The following HS6ST3 variants were observed in gnomAD, a reference collection of about 807,000 sequenced individuals.
The protein encoded by HS6ST3 is heparan sulfate 6-O-sulfotransferase 3.
HS6ST3 carries 12 observed loss-of-function variants against 36.7 expected under a neutral mutation model. The observed-to-expected ratio is 0.33, with a 90% CI of 0.21 to 0.53. The LOEUF is 0.53. Among genes scored for constraint, HS6ST3 ranks in the 20% least tolerant of loss-of-function variants. The pLI, the probability that HS6ST3 is intolerant of heterozygous loss-of-function variation, is 0.95. For synonymous variants in HS6ST3, 240 were observed against 257.5 expected, an observed-to-expected ratio of 0.93 and a Z score of 0.65; for missense variants, 584 against 640.9, an observed-to-expected ratio of 0.91 and a Z score of 0.96.
At chr13:96,599,773 A>C (rs892929163) in intron 1 of HS6ST3, among the ~76,000 whole-genome samples, 8 of 152,110 alleles carry the variant, frequency 5.3e-5, no homozygotes, top group Non-Finnish European at 1.2e-4. Flanking sequence ...CATTAGCATT[A>C]TAAACTTTCC....
chr13:96,627,485 A>G (rs1244686432), intron 1 of HS6ST3, among the ~76,000 whole-genome samples: 1 of 151,880 alleles, frequency 6.6e-6, no homozygotes, highest in Non-Finnish European at 1.5e-5. Context: ...CTATTATTTT[A>G]TTATCTCATA....
chr13:96,450,884 A>G (rs945703747), intron 1 of HS6ST3, among the ~76,000 whole-genome samples: 1 of 152,152 alleles, frequency 6.6e-6, no homozygotes, highest in Admixed American at 6.5e-5. Context: ...CTGGTGTTAG[A>G]CAAACACTTG....
Position 96,838,740 on chromosome 13 carries a change from G to A in HS6ST3, c.*5542G>A, listed in dbSNP as rs932614551. ...CCTTCTGAGCAAGTGGGCAGGTTCT[G>A]AAACCTGTGTGTTTTGTAGCCTAAT... On this transcript the variant is annotated 3_prime_UTR_variant, in exon 2 of 2. Coordinates refer to ENST00000376705, the MANE Select transcript of HS6ST3 (RefSeq NM_153456.4). 34 of 152,108 alleles carry A rather than the reference G, an allele frequency of 2.2e-4. No individual in the cohort carries two copies. Among genetic ancestry groups the A allele is most frequent in the African/African-American group, 7.7e-4 (32 of 41,442 alleles). The allele number at this position is 152,108 out of a possible 1,614,324, so 9.4% of individuals were successfully genotyped here.
At chr13:96,664,445 A>G (rs1381757859) in intron 1 of HS6ST3, among the ~76,000 whole-genome samples, 1 of 152,148 alleles carries the variant, frequency 6.6e-6, no homozygotes, top group East Asian at 1.9e-4. Context: ...AGAAAATACT[A>G]TCCAAGCCAA....
At chr13:96,381,243 G>C (rs929355064) in intron 1 of HS6ST3, among the ~76,000 whole-genome samples, 1 of 152,056 alleles carries the variant, frequency 6.6e-6, no homozygotes, top group African/African-American at 2.4e-5. Context: ...ACTAAAATCA[G>C]TAACATTTAT....
At chr13:96,537,161 G>A (rs2056158841) in intron 1 of HS6ST3, among the ~76,000 whole-genome samples, 1 of 152,180 alleles carries the variant, frequency 6.6e-6, no homozygotes, top group Non-Finnish European at 1.5e-5. Context: ...TCATAATCAT[G>A]GTGGATGGCG....
intron 1 of HS6ST3, among the ~76,000 whole-genome samples, chr13:96,435,462 G>T (rs2055636816): frequency 6.6e-6 from 1 of 152,028 alleles, no homozygotes; most frequent in Non-Finnish European, 1.5e-5. Flanking sequence ...TCCTTTGTGA[G>T]GCCTTTCCAG....
At chr13:96,491,852 C>A (rs1204616168) in intron 1 of HS6ST3, among the ~76,000 whole-genome samples, 2 of 152,052 alleles carry the variant, frequency 1.3e-5, no homozygotes, top group Non-Finnish European at 2.9e-5. Flanking sequence ...AGATGTGCCT[C>A]GAAGATCTCC....
intron 1 of HS6ST3, among the ~76,000 whole-genome samples, chr13:96,098,469 A>T (rs768338077): frequency 2.6e-5 from 4 of 152,166 alleles, no homozygotes; most frequent in Non-Finnish European, 5.9e-5. Flanking sequence ...CAAATTTATC[A>T]GCCACTGAAA....
intron 1 of HS6ST3, among the ~76,000 whole-genome samples, chr13:96,095,863 GGTGTGTGTGT>G (rs141939376): frequency 6.1e-4 from 86 of 140,354 alleles, no homozygotes; most frequent in South Asian, 2.2e-3. Context: ...TTATATGACT[GGTGTGTGTGT>G]GTGTGTGTGT....
intron 1 of HS6ST3, among the ~76,000 whole-genome samples, chr13:96,489,051 G>A (rs1236013713): frequency 6.6e-6 from 1 of 151,918 alleles, no homozygotes; most frequent in Non-Finnish European, 1.5e-5. Context: ...AGAAATATTT[G>A]TGAGAAAAAA....
intron 1 of HS6ST3, among the ~76,000 whole-genome samples, chr13:96,183,256 AGAG>A (rs2054247921): frequency 6.6e-6 from 1 of 152,130 alleles, no homozygotes; most frequent in South Asian, 2.1e-4. Context: ...CTGTTATCTA[AGAG>A]GTATACCTTC....
intron 1 of HS6ST3, among the ~76,000 whole-genome samples, chr13:96,114,804 C>G (rs1042006439): frequency 2.6e-5 from 4 of 152,146 alleles, no homozygotes; most frequent in African/African-American, 9.7e-5. Context: ...GCCCCCAGGC[C>G]TAGTAAATAG....
chr13:96,728,312 T>A (rs1400020139), intron 1 of HS6ST3, among the ~76,000 whole-genome samples: 3 of 152,164 alleles, frequency 2.0e-5, no homozygotes, highest in Admixed American at 1.3e-4. Context: ...TTATATTCAT[T>A]CACCTAACTT....
intron 1 of HS6ST3, among the ~76,000 whole-genome samples, chr13:96,106,430 G>A (rs1644015106): frequency 6.6e-6 from 1 of 152,144 alleles, no homozygotes; most frequent in South Asian, 2.1e-4. Context: ...AGCCTACTTG[G>A]CAAGAAGTTG....
chr13:96,571,002 T>C (rs574329080), intron 1 of HS6ST3, among the ~76,000 whole-genome samples: 3 of 152,250 alleles, frequency 2.0e-5, no homozygotes, highest in Non-Finnish European at 4.4e-5. Context: ...AGATTATTCA[T>C]AGTGGTAATC....
chr13:96,173,389 A>G (rs1157057910), intron 1 of HS6ST3, among the ~76,000 whole-genome samples: 2 of 152,180 alleles, frequency 1.3e-5, no homozygotes, highest in East Asian at 3.8e-4. Flanking sequence ...GGATAAAATT[A>G]TTAACATATT....
At chr13:96,791,952 T>A (rs1218502322) in intron 1 of HS6ST3, among the ~76,000 whole-genome samples, 3 of 152,048 alleles carry the variant, frequency 2.0e-5, no homozygotes, top group African/African-American at 7.2e-5. Flanking sequence ...CACACAAATG[T>A]GCCATACCAT....
At chr13:96,284,120 T>A (rs1460274094) in intron 1 of HS6ST3, among the ~76,000 whole-genome samples, 2 of 152,166 alleles carry the variant, frequency 1.3e-5, no homozygotes, top group Admixed American at 1.3e-4. Context: ...TGATGAGCAA[T>A]GCTTTTATCT....
Sources: allele counts gnomAD v4.1 joint callset (sites outside exome capture counted in the v4.1 genomes callset), GRCh38; gene constraint gnomAD v4.1.1; transcripts MANE v1.5; gene names NCBI Gene and HGNC (gene_info 2026-07-23, HGNC 2026-07-21).